Variants in GABRG3 observed in about 807,000 individuals in gnomAD.
GABRG3 encodes the protein gamma-aminobutyric acid type A receptor subunit gamma3.
Under a neutral mutation model 48.8 loss-of-function variants are expected in GABRG3, and 25 were observed. That is an observed-to-expected ratio of 0.51 (90% confidence interval 0.37 to 0.72). The LOEUF (loss-of-function observed/expected upper bound fraction) is 0.72, where lower values mean the gene tolerates loss of function less well. Ranked by LOEUF, GABRG3 falls within the 30% of genes least tolerant of loss-of-function variation. The pLI, the probability that GABRG3 is intolerant of heterozygous loss-of-function variation, is 0.00. For missense variants in GABRG3, 394 were observed against 577.9 expected (o/e 0.68, Z 3.26); for synonymous variants, 227 against 217.6 (o/e 1.04, Z -0.38).
In GABRG3 at chr15:27,179,589, A is replaced by T. The variant is rs1887858748; in HGVS notation, c.271-147220A>T. Reference sequence around the variant, plus strand: ...ACCCAAGTGAGCAGTTTCCAGTTTCAAATTGTTCAGAATTCACTCATTTCC... The same window carrying T: ...ACCCAAGTGAGCAGTTTCCAGTTTCTAATTGTTCAGAATTCACTCATTTCC... On this transcript the variant is annotated intron_variant, in intron 3 of 9. Coordinates refer to ENST00000615808, the MANE Select transcript of GABRG3 (RefSeq NM_033223.5). This position sits in a 1 kb window ranked among gnomAD's most constrained non-coding sequence, Gnocchi z 4.0. Among the ~76,000 whole-genome samples the T allele has an allele frequency of 6.6e-6, 1 of 152,192 alleles. No individual in the cohort carries two copies. The highest frequency in any genetic ancestry group is 1.5e-5 in the Non-Finnish European group (1 of 68,034).
At chr15:27,263,765 C>T (rs576176712) in intron 3 of GABRG3, among the ~76,000 whole-genome samples, 8 of 151,994 alleles carry the variant, frequency 5.3e-5, no homozygotes, top group East Asian at 1.9e-4. Context: ...AACCACCGGA[C>T]GGACTGTCGC....
At chr15:27,079,002 A>C (rs1228478389) in intron 3 of GABRG3, among the ~76,000 whole-genome samples, 1 of 152,226 alleles carries the variant, frequency 6.6e-6, no homozygotes, top group East Asian at 1.9e-4. Context: ...ACTCATGTCC[A>C]TGGGGGCAGA....
chr15:27,212,196 A>C (rs986167701), intron 3 of GABRG3, among the ~76,000 whole-genome samples: 1 of 152,234 alleles, frequency 6.6e-6, no homozygotes, highest in African/African-American at 2.4e-5. Context: ...GGGGAAGACA[A>C]GTGATTACGG....
At chr15:27,413,460 G>A (rs1254724926) in intron 5 of GABRG3, among the ~76,000 whole-genome samples, 1 of 152,148 alleles carries the variant, frequency 6.6e-6, no homozygotes, top group Non-Finnish European at 1.5e-5. Flanking sequence ...ATTTTGAAAA[G>A]AAAAAGCAAC....
At chr15:27,256,440 C>CAA (rs532681313) in intron 3 of GABRG3, among the ~76,000 whole-genome samples, 7 of 41,072 alleles carry the variant, frequency 1.7e-4, no homozygotes, top group East Asian at 6.8e-4. Context: ...GACTCCGTCT[C>CAA]AAAAAAAAAA....
At chr15:27,415,795 G>T (rs1042957096) in intron 5 of GABRG3, among the ~76,000 whole-genome samples, 3 of 152,204 alleles carry the variant, frequency 2.0e-5, no homozygotes, top group African/African-American at 7.2e-5. Context: ...GAAAGATTAA[G>T]CTGGAAGTGG....
chr15:27,204,803 T>G (rs1888801718), intron 3 of GABRG3, among the ~76,000 whole-genome samples: 1 of 152,122 alleles, frequency 6.6e-6, no homozygotes, highest in African/African-American at 2.4e-5. Flanking sequence ...TTGTGGCCAT[T>G]GTGAGTGAGA....
At chr15:27,509,747 T>A (rs1170103686) in intron 6 of GABRG3, among the ~76,000 whole-genome samples, 35 of 152,232 alleles carry the variant, frequency 2.3e-4, no homozygotes, top group Non-Finnish European at 5.1e-4. Context: ...TTTCCATTGA[T>A]TGACCAAATC....
intron 5 of GABRG3, among the ~76,000 whole-genome samples, chr15:27,336,492 T>C (rs965639286): frequency 3.3e-5 from 5 of 152,168 alleles, no homozygotes; most frequent in African/African-American, 4.8e-5. Flanking sequence ...ACTACATACC[T>C]ATTAGAATGG....
chr15:27,399,402 A>T, intron 5 of GABRG3, among the ~76,000 whole-genome samples: 1 of 152,198 alleles, frequency 6.6e-6, no homozygotes, highest in East Asian at 1.9e-4. Context: ...AAGATGCATA[A>T]TAACGGCCTC....
chr15:27,504,271 A>AT (rs1305266516), intron 6 of GABRG3, among the ~76,000 whole-genome samples: 6 of 151,134 alleles, frequency 4.0e-5, no homozygotes, highest in Admixed American at 6.6e-5. Context: ...CTTCTCGTCT[A>AT]TTTTTTGTTC....
At position 27,328,731 on chromosome 15, in the gene GABRG3, A is replaced by G. The variant is rs564845329; in HGVS notation, c.492-75A>G. On this transcript the variant is annotated intron_variant, in intron 4 of 9. Transcript: ENST00000615808. ...ACGGAACGGCCCTCTCCATCCCCACATGGGGTGCCGTAACGGCCGCCGGCC... is the reference window on the plus strand; with the variant it reads ...ACGGAACGGCCCTCTCCATCCCCACGTGGGGTGCCGTAACGGCCGCCGGCC... 26 of 1,249,702 alleles carry G rather than the reference A, an allele frequency of 2.1e-5. No individual in the cohort carries two copies. In the African/African-American group the frequency reaches 2.7e-4, roughly 13 times the overall value. The allele number at this position is 1,249,702 out of a possible 1,614,324, so 77.4% of individuals were successfully genotyped here.
chr15:26,981,274 AAAG>A (rs1396775958), intron 2 of GABRG3, among the ~76,000 whole-genome samples: 2 of 152,258 alleles, frequency 1.3e-5, no homozygotes, highest in Non-Finnish European at 2.9e-5. Flanking sequence ...CTGTACAAAA[AAAG>A]AGAGTGTGCT....
intron 5 of GABRG3, among the ~76,000 whole-genome samples, chr15:27,344,410 A>G (rs895828227): frequency 3.9e-5 from 6 of 152,198 alleles, no homozygotes; most frequent in African/African-American, 1.4e-4. Flanking sequence ...TTTAGTGTGC[A>G]GGCAAGCTCA....
intron 6 of GABRG3, among the ~76,000 whole-genome samples, chr15:27,489,271 T>C (rs183966412): frequency 2.0e-5 from 3 of 152,334 alleles, no homozygotes; most frequent in East Asian, 1.9e-4. Context: ...CTTTATCCAG[T>C]CTATCATTGA....
At chr15:27,076,088 G>T (rs1896905346) in intron 3 of GABRG3, among the ~76,000 whole-genome samples, 2 of 152,226 alleles carry the variant, frequency 1.3e-5, no homozygotes, top group Admixed American at 1.3e-4. Context: ...TCATCTTGTA[G>T]ACTGCTGCAT....
At chr15:27,340,883 TG>T in intron 5 of GABRG3, 1 of 376,000 alleles carries the variant, frequency 2.7e-6, no homozygotes. Flanking sequence ...ACATCTTTCA[TG>T]GTTCTGTTAT....
chr15:27,404,185 C>T (rs961007173), intron 5 of GABRG3, among the ~76,000 whole-genome samples: 1 of 152,152 alleles, frequency 6.6e-6, no homozygotes, highest in African/African-American at 2.4e-5. Context: ...GGTGCCACTG[C>T]ACTCTAGCCT....
chr15:26,991,825 A>G (rs1895254844), intron 2 of GABRG3, among the ~76,000 whole-genome samples: 1 of 151,670 alleles, frequency 6.6e-6, no homozygotes, highest in South Asian at 2.1e-4. Context: ...GGTTCATGCC[A>G]TTCTCCAGCC....
Sources: allele counts gnomAD v4.1 joint callset (sites outside exome capture counted in the v4.1 genomes callset), GRCh38; gene constraint gnomAD v4.1.1; non-coding constraint Gnocchi (gnomAD v3.1); transcripts MANE v1.5; gene names NCBI Gene and HGNC (gene_info 2026-07-23, HGNC 2026-07-21).